Variants in CRY2 observed in about 807,000 individuals in gnomAD.
The protein encoded by CRY2 is cryptochrome-2.
A neutral mutation model predicts 69.5 loss-of-function variants in CRY2; 31 were observed. The ratio of observed to expected loss-of-function variants is 0.45; its 90% CI spans 0.34 to 0.60. CRY2 has a LOEUF of 0.60. Among genes scored for constraint, CRY2 ranks in the 20% least tolerant of loss-of-function variants. The probability of loss-of-function intolerance (pLI) is 0.02; values close to 1 mark genes in which losing one functional copy is unlikely to be tolerated. For synonymous variants in CRY2, 303 were observed against 312.2 expected, an observed-to-expected ratio of 0.97 and a Z score of 0.31; for missense variants, 606 against 797.8, an observed-to-expected ratio of 0.76 and a Z score of 2.90.
At chr11:45,871,501 A>T (rs1254973051) in intron 10 of CRY2, among the ~76,000 whole-genome samples, 7 of 152,064 alleles carry the variant, frequency 4.6e-5, no homozygotes, top group Non-Finnish European at 1.0e-4. Flanking sequence ...GGTCTGAAAA[A>T]GCTCCCTGGC....
chr11:45,874,246 C>T (rs1183922334), intron 11 of CRY2, among the ~76,000 whole-genome samples: 1 of 151,866 alleles, frequency 6.6e-6, no homozygotes, highest in East Asian at 1.9e-4. Context: ...TGCCATTGCA[C>T]TCCAGCCTGG....
intron 11 of CRY2, among the ~76,000 whole-genome samples, chr11:45,874,426 T>C (rs950255323): frequency 7.2e-5 from 11 of 152,184 alleles, no homozygotes; most frequent in African/African-American, 2.7e-4. Context: ...GGTCTGGGCT[T>C]GGGTGGCAGC....
At chr11:45,880,052 G>T (rs189119028) in intron 11 of CRY2, among the ~76,000 whole-genome samples, 4 of 152,276 alleles carry the variant, frequency 2.6e-5, no homozygotes, top group African/African-American at 9.6e-5. Flanking sequence ...GTCACCTTCT[G>T]GGGTACTGGG....
At position 45,872,226 on chromosome 11, in the gene CRY2, G is replaced by A. The variant is rs1340695533; in HGVS notation, c.1777G>A (p.Ala593Thr). The change falls in exon 11 of 12, where the codon GCC (alanine) becomes ACC (threonine). Residue 593 changes from alanine to threonine, a missense_variant. Ala to Thr is a moderately conservative substitution (Grantham distance 58, BLOSUM62 0). Coordinates refer to ENST00000616080, the MANE Select transcript of CRY2 (RefSeq NM_021117.5). ...AACCCCAGAGCTGCCGAGCAAGGAT[G>A]CCTGAGAGTGAGTGACAGCAGCCTA... ...LPTPELPSKD[A>T] is the part of the protein sequence containing the mutation. The A allele has an allele frequency of 1.2e-6, 2 of 1,614,026 alleles. No homozygotes were observed. Among genetic ancestry groups the A allele is most frequent in the Non-Finnish European group, 1.7e-6 (2 of 1,179,926 alleles).
At chr11:45,857,562 A>G (rs955550756) in intron 2 of CRY2, among the ~76,000 whole-genome samples, 3 of 152,196 alleles carry the variant, frequency 2.0e-5, no homozygotes, top group African/African-American at 7.2e-5. Context: ...TATAAGGGTA[A>G]TGATGATGAG....
At chr11:45,862,904 G>A (rs951191084) in intron 5 of CRY2, among the ~76,000 whole-genome samples, 1 of 152,190 alleles carries the variant, frequency 6.6e-6, no homozygotes, top group Non-Finnish European at 1.5e-5. Flanking sequence ...TCTCATGTCC[G>A]AGAACAGTCA....
intron 1 of CRY2, among the ~76,000 whole-genome samples, chr11:45,852,713 A>G (rs11038689): frequency 0.19 from 29,438 of 152,230 alleles, 3,142 homozygotes; most frequent in Non-Finnish European, 0.24. Context: ...TTTAGTACAA[A>G]CAAACTAGAA....
intron 2 of CRY2, among the ~76,000 whole-genome samples, chr11:45,856,563 G>A (rs535216572): frequency 5.9e-5 from 9 of 152,336 alleles, no homozygotes; most frequent in South Asian, 4.1e-4. Context: ...TTGGGAGGCC[G>A]AGGCAGGCGG....
intron 5 of CRY2, among the ~76,000 whole-genome samples, chr11:45,866,214 G>A (rs1371066311): frequency 6.6e-6 from 1 of 152,216 alleles, no homozygotes; most frequent in Non-Finnish European, 1.5e-5. Context: ...AGGCAGCCAA[G>A]TAGAGGTTTC....
intron 5 of CRY2, among the ~76,000 whole-genome samples, chr11:45,867,269 A>G (rs574616502): frequency 6.6e-6 from 1 of 152,228 alleles, no homozygotes; most frequent in Non-Finnish European, 1.5e-5. Flanking sequence ...CCTGCTGTAT[A>G]ATTAGAGAGT....
In CRY2 at chr11:45,849,325, CAG is replaced by C. The variant is rs1268518074; in HGVS notation, c.215+1623_215+1624del. 2.0e-5 allele frequency among the ~76,000 whole-genome samples: 3 copies of C among 152,144 alleles called. No individual in the cohort carries two copies. The East Asian group carries it at 5.8e-4, about 29-fold the overall frequency. On this transcript the variant is annotated intron_variant, in intron 1 of 11. Transcript: ENST00000616080. ...AGATGCCTGAGTCAAATCCTGAAGT[CAG>C]AGGCTGTGTAAGAATGCAGATATTA... is the stretch of plus-strand genomic sequence containing the variant.
rs1392015653 is a variant in CRY2, at chr11:45,882,692, C to T, written c.*1781C>T. 5.0e-6 allele frequency: 2 copies of T among 398,914 alleles called. No homozygotes were observed. Among genetic ancestry groups the T allele is most frequent in the East Asian group, 3.6e-5 (1 of 28,086 alleles). 24.7% of individuals were successfully genotyped at this position (398,914 alleles called of 1,614,324 possible). A position where few individuals can be genotyped will look rare whatever the true frequency, so the allele number is the denominator to read the frequency against. On this transcript the variant is annotated 3_prime_UTR_variant, in exon 12 of 12. Transcript: ENST00000616080. ...GTTGGGGGCTTCCCTGTTCCCTCAG[C>T]CCCAGTCGAGAGGAAAGAGAATCGG...
chr11:45,866,327 G>A (rs1008409460), intron 5 of CRY2, among the ~76,000 whole-genome samples: 2 of 152,160 alleles, frequency 1.3e-5, no homozygotes, highest in Non-Finnish European at 2.9e-5. Context: ...AGCTTGCTGA[G>A]GCACACAGTT....
In CRY2 at chr11:45,869,650, C is replaced by A; in HGVS notation, c.1027C>A (p.Pro343Thr). ...ICIQIPWDRN[P>T]EALAKWAEGK... is the part of the protein sequence containing the mutation. ...CATCCAGATCCCCTGGGACCGCAAT[C>A]CTGAGGCCCTGGCCAAGTGGGCTGA... Residue 343 changes from proline (P) to threonine (T), a missense_variant, in exon 7 of 12, where the codon CCT becomes ACT. Physicochemically the swap from Pro to Thr is conservative, Grantham distance 38. Coordinates refer to ENST00000616080, the MANE Select transcript of CRY2 (RefSeq NM_021117.5). The A allele has an allele frequency of 6.2e-7, 1 of 1,614,266 alleles. No individual in the cohort carries two copies. The highest frequency in any genetic ancestry group is 8.5e-7 in the Non-Finnish European group (1 of 1,180,046).
intron 10 of CRY2, 44 bp downstream of exon 10, chr11:45,870,978 G>A (rs1478847796): frequency 2.0e-6 from 3 of 1,523,398 alleles, no homozygotes; most frequent in Non-Finnish European, 2.7e-6. Context: ...TGTGGCCTGT[G>A]CCACCACTTC....
intron 5 of CRY2, among the ~76,000 whole-genome samples, chr11:45,865,946 C>T (rs1049352493): frequency 6.6e-6 from 1 of 152,178 alleles, no homozygotes; most frequent in African/African-American, 2.4e-5. Context: ...GGAGGCCAGT[C>T]AGGAGGCTGC....
chr11:45,870,657 G>T (rs79583274), intron 9 of CRY2, 125 bp downstream of exon 9: 1 of 1,253,844 alleles, frequency 8.0e-7, no homozygotes, highest in South Asian at 1.4e-5. Context: ...TGACACCTTC[G>T]CTGGGTATGG....
In CRY2 at chr11:45,870,160, T is replaced by G. The variant is rs569784800; in HGVS notation, c.1302T>G (p.Pro434=). The change falls in exon 8 of 12, where the codon CCT becomes CCG. Residue 434 remains proline (P), a synonymous_variant. Transcript: ENST00000616080. ...AGCAGTTCTTCCACTGCTACTGCCC[T>G]GTGGGCTTTGGCCGTCGCACGGACC... is the stretch of plus-strand genomic sequence containing the variant. The part of the protein sequence containing the change: ...FFQQFFHCYC[P]VGFGRRTDPS... The G allele has an allele frequency of 1.9e-6, 3 of 1,613,668 alleles. No homozygotes were observed. The highest frequency in any genetic ancestry group is 4.5e-5 in the East Asian group (2 of 44,858).
chr11:45,851,115 A>G (rs532316861), intron 1 of CRY2, among the ~76,000 whole-genome samples: 1 of 152,052 alleles, frequency 6.6e-6, no homozygotes, highest in Admixed American at 6.6e-5. Flanking sequence ...CTACATCTAG[A>G]AGGAGGTACT....
Sources: gnomAD v4.1 joint callset for allele counts (sites outside exome capture counted in the v4.1 genomes callset) on GRCh38, gnomAD v4.1.1 for gene constraint, MANE v1.5 for transcripts, NCBI Gene and HGNC (gene_info 2026-07-23, HGNC 2026-07-21) for gene names.